GPC6: variants seen among roughly 807,000 people sequenced by gnomAD.
The protein encoded by GPC6 is glypican 6.
GPC6 carries 14 observed loss-of-function variants against 55.2 expected under a neutral mutation model. The observed-to-expected ratio is 0.25, with a 90% CI of 0.17 to 0.40. The LOEUF (loss-of-function observed/expected upper bound fraction) is 0.40, where lower values mean the gene tolerates loss of function less well. GPC6 is among the 10% of genes least tolerant of loss of function. The pLI is 1.00. For synonymous variants in GPC6, 278 were observed against 259.6 expected, an observed-to-expected ratio of 1.07 and a Z score of -0.68; for missense variants, 641 against 708.5, an observed-to-expected ratio of 0.90 and a Z score of 1.08.
chr13:93,263,485 C>T (rs1877220220), intron 1 of GPC6, among the ~76,000 whole-genome samples: 1 of 152,132 alleles, frequency 6.6e-6, no homozygotes, highest in African/African-American at 2.4e-5. Flanking sequence ...CTCCTTCAGC[C>T]TCCTAAGTAG....
At chr13:93,318,387 G>A (rs1370655193) in intron 1 of GPC6, among the ~76,000 whole-genome samples, 1 of 152,024 alleles carries the variant, frequency 6.6e-6, no homozygotes, top group African/African-American at 2.4e-5. Flanking sequence ...GTTCTTTTCT[G>A]TAACAAATTT....
chr13:94,088,546 GAA>G (rs1566388756), intron 4 of GPC6, among the ~76,000 whole-genome samples: 1 of 6,160 alleles, frequency 1.6e-4, no homozygotes, highest in East Asian at 2.6e-3. Context: ...AAAAGAGAGG[GAA>G]GGGAAGGGAA....
At chr13:93,676,280 G>A (rs1444510547) in intron 2 of GPC6, among the ~76,000 whole-genome samples, 1 of 150,722 alleles carries the variant, frequency 6.6e-6, no homozygotes, top group African/African-American at 2.5e-5. Flanking sequence ...AGCCAGGTGT[G>A]GTGGTGCATG....
At chr13:94,271,370 GCGCGCGCGCGCGCACACACACACACACA>G (rs1454231457) in intron 4 of GPC6, among the ~76,000 whole-genome samples, 1 of 85,816 alleles carries the variant, frequency 1.2e-5, no homozygotes, top group Non-Finnish European at 2.7e-5. Context: ...ACACACACGC[GCGCGCGCGCGCGCACACACACACACACA>G]CACACACACA....
chr13:93,808,280 TA>T (rs1886596334), intron 2 of GPC6, among the ~76,000 whole-genome samples: 1 of 152,210 alleles, frequency 6.6e-6, no homozygotes, highest in South Asian at 2.1e-4. Flanking sequence ...ACACAAAATA[TA>T]TTTCTTGTAA....
chr13:94,186,832 A>G (rs572827665), intron 4 of GPC6: 1 of 152,360 alleles, frequency 6.6e-6, no homozygotes, highest in South Asian at 2.1e-4. Context: ...CCCTCTGCAT[A>G]CACTCAAATA....
chr13:93,246,613 C>T (rs531744229), intron 1 of GPC6, among the ~76,000 whole-genome samples: 8 of 151,754 alleles, frequency 5.3e-5, no homozygotes, highest in East Asian at 1.9e-4. Flanking sequence ...CTGGCTTACA[C>T]GGTGAAACCT....
chr13:94,182,215 A>G (rs1468245198), intron 4 of GPC6, among the ~76,000 whole-genome samples: 1 of 148,418 alleles, frequency 6.7e-6, no homozygotes, highest in Admixed American at 6.7e-5. Flanking sequence ...TTTTTTTTTT[A>G]AAGATAAATG....
intron 2 of GPC6, among the ~76,000 whole-genome samples, chr13:93,700,345 G>A (rs779603783): frequency 3.3e-5 from 5 of 152,056 alleles, no homozygotes; most frequent in Non-Finnish European, 7.4e-5. Flanking sequence ...CTTCAAAGCA[G>A]AGTCAGTGAA....
At chr13:93,619,029 T>G (rs1316519645) in intron 2 of GPC6, among the ~76,000 whole-genome samples, 2 of 152,156 alleles carry the variant, frequency 1.3e-5, no homozygotes, top group Non-Finnish European at 2.9e-5. Flanking sequence ...ACTGTAATAC[T>G]GTGGTAAATA....
chr13:93,721,026 A>T (rs899703688), intron 2 of GPC6, among the ~76,000 whole-genome samples: 10 of 152,034 alleles, frequency 6.6e-5, no homozygotes, highest in Non-Finnish European at 1.5e-4. Context: ...TGCTAAGAAA[A>T]ATGTATATTC....
intron 6 of GPC6, among the ~76,000 whole-genome samples, chr13:94,315,478 G>A (rs1876476537): frequency 1.3e-5 from 2 of 152,144 alleles, no homozygotes; most frequent in African/African-American, 4.8e-5. Context: ...GGAGAATGTG[G>A]CAAAGGTGGC....
chr13:94,073,103 C>T (rs1295185522), intron 4 of GPC6, among the ~76,000 whole-genome samples: 1 of 152,148 alleles, frequency 6.6e-6, no homozygotes, highest in Non-Finnish European at 1.5e-5. Flanking sequence ...CACACACAAA[C>T]TCTCCAGACA....
At chr13:93,330,642 C>A (rs1025642193) in intron 1 of GPC6, among the ~76,000 whole-genome samples, 10 of 152,162 alleles carry the variant, frequency 6.6e-5, no homozygotes, top group African/African-American at 1.9e-4. Context: ...ACTTATCATG[C>A]ATCATTTTCT....
chr13:93,762,782 A>T (rs1884994416), intron 2 of GPC6, among the ~76,000 whole-genome samples: 1 of 152,232 alleles, frequency 6.6e-6, no homozygotes, highest in Admixed American at 6.5e-5. Context: ...GATAAAATAC[A>T]GATCAATTTA....
chr13:94,164,001 G>T (rs1055194567), intron 4 of GPC6, among the ~76,000 whole-genome samples: 6 of 152,094 alleles, frequency 3.9e-5, no homozygotes, highest in Admixed American at 1.3e-4. Context: ...ACTTAAATTT[G>T]CAAGAAAGAT....
At chr13:93,991,767 A>T (rs1420585834) in intron 3 of GPC6, among the ~76,000 whole-genome samples, 10 of 152,264 alleles carry the variant, frequency 6.6e-5, no homozygotes, top group African/African-American at 1.9e-4. Context: ...GTCAAGTGAA[A>T]TTGCTTGGAT....
At chr13:94,170,096 A>G (rs1258087937) in intron 4 of GPC6, among the ~76,000 whole-genome samples, 1 of 152,208 alleles carries the variant, frequency 6.6e-6, no homozygotes, top group Non-Finnish European at 1.5e-5. Context: ...TCTGGAAACT[A>G]GAATTGCTGC....
chr13:94,399,958 G>A (rs925777098), intron 8 of GPC6, among the ~76,000 whole-genome samples: 1 of 152,156 alleles, frequency 6.6e-6, no homozygotes, highest in Admixed American at 6.5e-5. Flanking sequence ...TCTAGAGAGT[G>A]GCTGTTGGAA....
Sources: allele counts gnomAD v4.1 joint callset (sites outside exome capture counted in the v4.1 genomes callset), GRCh38; gene constraint gnomAD v4.1.1; transcripts MANE v1.5; gene names NCBI Gene and HGNC (gene_info 2026-07-23, HGNC 2026-07-21).